The following BABAM2 variants were observed in gnomAD, a reference collection of about 807,000 sequenced individuals.
BABAM2 encodes BRISC and BRCA1-A complex member 2.
In BABAM2, 31 loss-of-function variants were observed where a neutral mutation model predicts 54.7. The ratio of observed to expected loss-of-function variants is 0.57; its 90% CI spans 0.43 to 0.77. The LOEUF (loss-of-function observed/expected upper bound fraction) is 0.77. Ranked by LOEUF, BABAM2 falls within the 30% of genes least tolerant of loss-of-function variation. BABAM2 has a pLI of 0.00. For missense variants in BABAM2, 364 were observed against 455.8 expected (o/e 0.80, Z 1.83); for synonymous variants, 167 against 162.9 (o/e 1.03, Z -0.19).
intron 5 of BABAM2, among the ~76,000 whole-genome samples, chr2:28,029,445 T>C (rs1227040300): frequency 6.6e-6 from 1 of 152,202 alleles, no homozygotes; most frequent in Non-Finnish European, 1.5e-5. Flanking sequence ...ATGGGTAGAA[T>C]TGTATAGTAT....
intron 7 of BABAM2, among the ~76,000 whole-genome samples, chr2:28,166,445 G>T (rs563954299): frequency 6.6e-6 from 1 of 152,158 alleles, no homozygotes; most frequent in Admixed American, 6.5e-5. Flanking sequence ...TTTTGGGGGA[G>T]TAGGGGGAGG....
intron 3 of BABAM2, among the ~76,000 whole-genome samples, chr2:27,969,690 G>C (rs933748790): frequency 6.6e-6 from 1 of 152,150 alleles, no homozygotes; most frequent in Non-Finnish European, 1.5e-5. Context: ...GCTCGGGACG[G>C]GGGAGGAGGT....
chr2:27,959,542 A>C (rs1483434676), intron 3 of BABAM2, among the ~76,000 whole-genome samples: 1 of 151,320 alleles, frequency 6.6e-6, no homozygotes, highest in Non-Finnish European at 1.5e-5. Context: ...ATATTTCTTA[A>C]TGTTCTGTTT....
chr2:27,994,069 A>G (rs946287191), intron 4 of BABAM2, among the ~76,000 whole-genome samples: 1 of 152,078 alleles, frequency 6.6e-6, no homozygotes, highest in African/African-American at 2.4e-5. Flanking sequence ...CATTTTTCAA[A>G]TCTCCATTTG....
Position 28,144,316 on chromosome 2 carries a change from GC to G in BABAM2, c.680+14937del, listed in dbSNP as rs368025918. 2.9e-3 allele frequency among the ~76,000 whole-genome samples: 448 copies of G among 152,250 alleles called. 6 individuals are homozygous for G. Among genetic ancestry groups the G allele is most frequent in the Middle Eastern group, 3.4e-3 (1 of 294 alleles). On this transcript the variant is annotated intron_variant, in intron 7 of 11. Transcript: ENST00000379624. The stretch of plus-strand genomic sequence containing the variant: ...TTTTGAAATTCCCTCTAGATACTGT[GC>G]ACAGGGACCTTAGGTAATACCAGTC...
At chr2:28,105,994 C>T (rs561391609) in intron 6 of BABAM2, among the ~76,000 whole-genome samples, 68 of 149,070 alleles carry the variant, frequency 4.6e-4, no homozygotes, top group African/African-American at 1.3e-3. Flanking sequence ...AAATTTCAAA[C>T]GATCTCAAAT....
chr2:28,180,413 A>T (rs1675487473), intron 7 of BABAM2, among the ~76,000 whole-genome samples: 2 of 152,142 alleles, frequency 1.3e-5, no homozygotes, highest in African/African-American at 4.8e-5. Flanking sequence ...GGATCTCCAT[A>T]TGCCACGGAA....
chr2:28,299,108 T>TATA (rs1452406636), intron 11 of BABAM2, among the ~76,000 whole-genome samples: 1 of 152,222 alleles, frequency 6.6e-6, no homozygotes, highest in Non-Finnish European at 1.5e-5. Flanking sequence ...CTCTGCAGTG[T>TATA]ATACCATAGC....
chr2:28,216,689 T>C (rs1266562524), intron 7 of BABAM2, among the ~76,000 whole-genome samples: 9 of 152,222 alleles, frequency 5.9e-5, no homozygotes, highest in Non-Finnish European at 8.8e-5. Flanking sequence ...ATTAAGCACC[T>C]ACTGTGTAGA....
chr2:28,038,869 G>C (rs1400804518), intron 5 of BABAM2, among the ~76,000 whole-genome samples: 1 of 152,154 alleles, frequency 6.6e-6, no homozygotes, highest in African/African-American at 2.4e-5. Flanking sequence ...CCTTTTGGTA[G>C]AGCGATTTAT....
intron 11 of BABAM2, among the ~76,000 whole-genome samples, chr2:28,323,127 C>G (rs1314630383): frequency 6.6e-6 from 1 of 152,202 alleles, no homozygotes; most frequent in Non-Finnish European, 1.5e-5. Context: ...CTGTGTGTCC[C>G]CTGAGGGCCA....
chr2:28,038,673 G>A (rs1201134908), intron 5 of BABAM2, among the ~76,000 whole-genome samples: 1 of 152,180 alleles, frequency 6.6e-6, no homozygotes. Context: ...TTAGGATAAT[G>A]ACCTCCAGCT....
At chr2:28,274,079 T>C (rs1382880718) in intron 10 of BABAM2, among the ~76,000 whole-genome samples, 1 of 152,216 alleles carries the variant, frequency 6.6e-6, no homozygotes, top group Admixed American at 6.5e-5. Context: ...TGTCTGTGGC[T>C]CTTGGGCCTT....
chr2:27,929,923 A>T lies in BABAM2; in HGVS notation c.205+15A>T. ...GACATTAAAGTGTAAGTAAATGATG[A>T]CTATTTTACTCAAAATGTAGGTTAC... On this transcript the variant is annotated intron_variant, in intron 3 of 11. Coordinates refer to ENST00000379624, the MANE Select transcript of BABAM2 (RefSeq NM_199191.3). The T allele has an allele frequency of 6.3e-7, 1 of 1,595,268 alleles. No individual in the cohort carries two copies. The highest frequency in any genetic ancestry group is 8.6e-7 in the Non-Finnish European group (1 of 1,163,618).
rs1360883175 is a variant in BABAM2 at position 28,196,321 on chromosome 2, C to CGTCTCAAAAAAAAAAA, written c.681-40881_681-40880insGTCTCAAAAAAAAAAA. 7.5e-3 allele frequency among the ~76,000 whole-genome samples: 803 copies of CGTCTCAAAAAAAAAAA among 107,464 alleles called. 108 individuals are homozygous for CGTCTCAAAAAAAAAAA. Among genetic ancestry groups the CGTCTCAAAAAAAAAAA allele is most frequent in the Non-Finnish European group, 0.016 (658 of 40,782 alleles). The allele number at this position is 107,464 out of a possible 152,430, so 70.5% of individuals were successfully genotyped here. A position where few individuals can be genotyped will look rare whatever the true frequency, so the allele number is the denominator to read the frequency against. ...CAGCCTGGGCAACAGAGCAAGACTC[C>CGTCTCAAAAAAAAAAA]ATATAAAAAAAAAATGAATTTTTTA... is the stretch of plus-strand genomic sequence containing the variant. On this transcript the variant is annotated intron_variant, in intron 7 of 11. Coordinates refer to ENST00000379624, the MANE Select transcript of BABAM2 (RefSeq NM_199191.3).
rs115846616 is a variant in BABAM2 at position 28,008,865 on chromosome 2, C to G, written c.301-16361C>G. Among the ~76,000 whole-genome samples, 641 of 152,202 alleles carry G rather than the reference C, an allele frequency of 4.2e-3. 7 individuals carry two copies. The South Asian group carries it at 0.045, about 11-fold the overall frequency. Reference sequence around the variant, plus strand: ...GAAAGGAGCAAGAGTGATGTTGGCTCTCCATTGTTGAAGATGTTCTTCCCC... The same window carrying G: ...GAAAGGAGCAAGAGTGATGTTGGCTGTCCATTGTTGAAGATGTTCTTCCCC... On this transcript the variant is annotated intron_variant, in intron 4 of 11. Coordinates refer to ENST00000379624, the MANE Select transcript of BABAM2 (RefSeq NM_199191.3).
intron 7 of BABAM2, among the ~76,000 whole-genome samples, chr2:28,166,042 G>C (rs1305297683): frequency 6.6e-6 from 1 of 152,080 alleles, no homozygotes; most frequent in Non-Finnish European, 1.5e-5. Context: ...GAGGAAATTA[G>C]GACACACATA....
chr2:28,150,014 C>T (rs146430080), intron 7 of BABAM2, among the ~76,000 whole-genome samples: 2 of 152,296 alleles, frequency 1.3e-5, no homozygotes, highest in South Asian at 2.1e-4. Flanking sequence ...GGGAGACTAA[C>T]TGGTTAAATT....
intron 7 of BABAM2, among the ~76,000 whole-genome samples, chr2:28,198,229 T>G (rs1677834878): frequency 1.3e-5 from 2 of 151,608 alleles, no homozygotes; most frequent in Non-Finnish European, 2.9e-5. Context: ...AGTGGTACAA[T>G]CTCGGCTCAC....
Sources: allele counts gnomAD v4.1 joint callset (sites outside exome capture counted in the v4.1 genomes callset), GRCh38; gene constraint gnomAD v4.1.1; transcripts MANE v1.5; gene names NCBI Gene and HGNC (gene_info 2026-07-23, HGNC 2026-07-21).